The following SLC44A2 variants were observed in gnomAD, a reference collection of about 807,000 sequenced individuals.
The protein encoded by SLC44A2 is solute carrier family 44 member 2 (CTL2 blood group), also known as choline transporter-like protein 2.
A neutral mutation model predicts 90.8 loss-of-function variants in SLC44A2; 57 were observed. The ratio of observed to expected loss-of-function variants is 0.63; its 90% confidence interval spans 0.51 to 0.78. SLC44A2 has a LOEUF of 0.78. SLC44A2 is among the 30% of genes least tolerant of loss of function. The probability of loss-of-function intolerance (pLI) is 0.00; values close to 1 mark genes in which losing one functional copy is unlikely to be tolerated. For missense variants in SLC44A2, 794 were observed against 919.7 expected (o/e 0.86, Z 1.77); for synonymous variants, 355 against 360.7 (o/e 0.98, Z 0.18).
At chr19:10,626,408 GA>G in intron 2 of SLC44A2, 107 bp downstream of exon 2, 2 of 906,868 alleles carry the variant, frequency 2.2e-6, no homozygotes, top group African/African-American at 1.7e-5. Context: ...ACAAATATTT[GA>G]AACTTTTTTT....
At chr19:10,617,685 C>G (rs995829592) in intron 1 of SLC44A2, among the ~76,000 whole-genome samples, 2 of 152,168 alleles carry the variant, frequency 1.3e-5, no homozygotes, top group African/African-American at 4.8e-5. Context: ...GGGAACGGAC[C>G]GCTCAAGTGA....
upstream of SLC44A2, among the ~76,000 whole-genome samples, chr19:10,621,431 T>G (rs2066894005): frequency 7.0e-6 from 1 of 142,748 alleles, no homozygotes; most frequent in Non-Finnish European, 1.5e-5. Context: ...TGTTTTTTTT[T>G]TTTTTTTTTT....
At chr19:10,615,891 A>G (rs544346439) in intron 1 of SLC44A2, among the ~76,000 whole-genome samples, 3 of 151,972 alleles carry the variant, frequency 2.0e-5, no homozygotes, top group East Asian at 1.9e-4. Context: ...CGGGCTGGAC[A>G]TGGTGGCTCA....
chr19:10,610,631 CTTTTTT>C (rs56002726), intron 1 of SLC44A2, among the ~76,000 whole-genome samples: 13 of 48,014 alleles, frequency 2.7e-4, no homozygotes, highest in African/African-American at 1.0e-3. Flanking sequence ...CCGCGCCTGG[CTTTTTT>C]TTTTTTTTTT....
chr19:10,606,016 C>T (rs1349051264), intron 1 of SLC44A2, among the ~76,000 whole-genome samples: 1 of 151,592 alleles, frequency 6.6e-6, no homozygotes, highest in East Asian at 1.9e-4. Context: ...AAACCAGACT[C>T]TGGCTGGGCA....
At chr19:10,627,312 T>C (rs112314985) in intron 2 of SLC44A2, among the ~76,000 whole-genome samples, 4,913 of 149,208 alleles carry the variant, frequency 0.033, 242 homozygotes, top group East Asian at 0.11. Context: ...CAGAGTGAGA[T>C]TCCCTCTCAA....
intron 20 of SLC44A2, among the ~76,000 whole-genome samples, chr19:10,639,618 C>T (rs540538512): frequency 6.6e-6 from 1 of 152,278 alleles, no homozygotes; most frequent in Non-Finnish European, 1.5e-5. Context: ...GTGGCTCACA[C>T]CTGTAATCCC....
chr19:10,621,855 G>A (rs1221831088), upstream of SLC44A2, among the ~76,000 whole-genome samples: 1 of 152,204 alleles, frequency 6.6e-6, no homozygotes, highest in African/African-American at 2.4e-5. Flanking sequence ...GACCTCAGGT[G>A]ATCTGCCCAC....
chr19:10,632,071 C>G lies in SLC44A2; in HGVS notation c.738C>G (p.Ser246Arg). The change falls in exon 10 of 22, where the codon AGC (serine) becomes AGG (arginine). Residue 246 changes from serine to arginine, a missense_variant. This residue lies in a region of SLC44A2 where 738 missense variants were observed against 841.1 expected (regional missense o/e 0.88). Transcript: ENST00000335757. ...GCCTGGTCATTGCCATGGCGATGAG[C>G]CTCCTGTTCATCATCCTGCTTCGCT... ...IIGLVIAMAM[S>R]LLFIILLRFL... 1.2e-6 allele frequency: 2 copies of G among 1,614,120 alleles called. No individual in the cohort carries two copies. The highest frequency in any genetic ancestry group is 1.7e-6 in the Non-Finnish European group (2 of 1,180,012).
rs754162195 is a variant in SLC44A2 at position 10,638,214 on chromosome 19, TCTC to T, written c.1841-10_1841-8del. ...AGAACCCTTCGCCATCTTGCTTTCT[TCTC>T]CTTCTCCAGGGATCCTGGCTTTCTT... On this transcript the variant is annotated splice_polypyrimidine_tract_variant and intron_variant, in intron 19 of 21. Transcript: ENST00000335757. 44 of 1,613,924 alleles carry T rather than the reference TCTC, an allele frequency of 2.7e-5. No individual in the cohort carries two copies. The highest frequency in any genetic ancestry group is 3.5e-5 in the Non-Finnish European group (41 of 1,180,002).
rs2066992638 is a variant in SLC44A2 at position 10,631,402 on chromosome 19, C to T, written c.441+17C>T. ...AACAATAAAGTGAGTTGTAGACTGT[C>T]CTGAGAGCACAGGTATGGGCAGTGG... On this transcript the variant is annotated intron_variant, in intron 6 of 21. Transcript: ENST00000335757. 6.2e-7 allele frequency: 1 copy of T among 1,613,874 alleles called. No homozygotes were observed. Among genetic ancestry groups the T allele is most frequent in the Non-Finnish European group, 8.5e-7 (1 of 1,179,902 alleles).
rs1233161030 is a variant in SLC44A2, at chr19:10,630,672, A to G, written c.246-385A>G. 5.3e-5 allele frequency among the ~76,000 whole-genome samples: 8 copies of G among 149,924 alleles called. No individual in the cohort carries two copies. In the East Asian group the frequency reaches 5.9e-4, roughly 11 times the overall value. On this transcript the variant is annotated intron_variant, in intron 4 of 21. Transcript: ENST00000335757. ...CAGGACTCCATCTAAAAAAAAAAAA[A>G]AGAGAAAAATAAAAAAAGTTTTCTA...
In SLC44A2 at chr19:10,632,155, C is replaced by T. The variant is rs141667578; in HGVS notation, c.822C>T (p.Tyr274=). 6.0e-5 allele frequency: 97 copies of T among 1,611,680 alleles called. No individual in the cohort carries two copies. In the African/African-American group the frequency reaches 7.9e-4, roughly 13 times the overall value. Residue 274 remains tyrosine, a splice_region_variant and synonymous_variant, in exon 10 of 22, where the codon TAC becomes TAT. Transcript: ENST00000335757. ...TCATGGTGATTCTGGTGCTGGGCTACGGTGCGTCACCCCCTCCCTGTGGCT... is the reference window on the plus strand; with the variant it reads ...TCATGGTGATTCTGGTGCTGGGCTATGGTGCGTCACCCCCTCCCTGTGGCT... The part of the protein sequence containing the change: ...MIIMVILVLG[Y]GIFHCYMEYS...
At chr19:10,609,772 C>T (rs928873994) in intron 1 of SLC44A2, among the ~76,000 whole-genome samples, 2 of 151,896 alleles carry the variant, frequency 1.3e-5, no homozygotes, top group African/African-American at 4.8e-5. Context: ...GCCCATAACT[C>T]TTTTTAAATG....
intron 1 of SLC44A2, among the ~76,000 whole-genome samples, chr19:10,608,659 T>A (rs980484996): frequency 6.8e-6 from 1 of 147,694 alleles, no homozygotes; most frequent in Non-Finnish European, 1.5e-5. Context: ...TTATTTATTT[T>A]TTTAATTTGA....
chr19:10,606,188 C>T (rs1267203554), intron 1 of SLC44A2, among the ~76,000 whole-genome samples: 1 of 151,680 alleles, frequency 6.6e-6, no homozygotes, highest in Non-Finnish European at 1.5e-5. Context: ...ATTCCAGCTA[C>T]TTGGGAGGCT....
Position 10,643,700 on chromosome 19 carries a change from T to C in SLC44A2, c.*315T>C. ...CTCCCTCATGCTTCCTGTCCCCCGC[T>C]TACACGACAACGGGCCAGACCACAG... On this transcript the variant is annotated 3_prime_UTR_variant, in exon 22 of 22. Transcript: ENST00000335757. 1 of 253,344 alleles carries C rather than the reference T, an allele frequency of 3.9e-6. No individual in the cohort carries two copies. Among genetic ancestry groups the C allele is most frequent in the Admixed American group, 5.2e-5 (1 of 19,348 alleles). 15.7% of individuals were successfully genotyped at this position (253,344 alleles called of 1,614,324 possible).
chr19:10,619,376 C>T (rs985987327), intron 1 of SLC44A2, among the ~76,000 whole-genome samples: 8 of 146,854 alleles, frequency 5.4e-5, no homozygotes, highest in Admixed American at 3.4e-4. Context: ...TGCAGTGAGC[C>T]GAGATCATGA....
chr19:10,636,897 C>G, intron 16 of SLC44A2, 141 bp downstream of exon 16: 1 of 881,102 alleles, frequency 1.1e-6, no homozygotes. Context: ...GGGTGGAGTT[C>G]AGGAGTTGGC....
Sources: allele counts gnomAD v4.1 joint callset (sites outside exome capture counted in the v4.1 genomes callset), GRCh38; gene constraint gnomAD v4.1.1; regional missense constraint gnomAD v4.1.1; transcripts MANE v1.5; gene names NCBI Gene and HGNC (gene_info 2026-07-23, HGNC 2026-07-21).